Variants in ARV1 observed in about 807,000 individuals in gnomAD.
The protein encoded by ARV1 is ARV1 fatty acid homeostasis modulator.
A neutral mutation model predicts 31.1 loss-of-function variants in ARV1; 26 were observed. That is an observed-to-expected ratio of 0.84 (90% CI 0.61 to 1.16). ARV1 has a LOEUF of 1.16. Ranked by LOEUF, ARV1 falls within the 50% of genes most tolerant of loss-of-function variation. The probability of loss-of-function intolerance (pLI) is 0.00; values close to 1 mark genes in which losing one functional copy is unlikely to be tolerated. For synonymous variants in ARV1, 117 were observed against 123.2 expected (o/e 0.95, Z 0.34); for missense variants, 281 against 324.9 (o/e 0.86, Z 1.04).
At chr1:230,993,273 T>G (rs1438167926) in intron 3 of ARV1, among the ~76,000 whole-genome samples, 1 of 151,962 alleles carries the variant, frequency 6.6e-6, no homozygotes, top group Non-Finnish European at 1.5e-5. Flanking sequence ...AAAAAAAAAT[T>G]TATGTAAAGG....
Position 230,997,267 on chromosome 1 carries a change from G to A in ARV1, c.*4G>A. 1.2e-6 allele frequency: 2 copies of A among 1,613,416 alleles called. No individual in the cohort carries two copies. The highest frequency in any genetic ancestry group is 2.2e-5 in the South Asian group (2 of 91,004). The stretch of plus-strand genomic sequence containing the variant: ...CTTTAAATCTCAGGACTTCTGAAGA[G>A]GTACTGAAAGCATGTAGTGTTCATG... On this transcript the variant is annotated splice_region_variant and 3_prime_UTR_variant, in exon 5 of 6. Coordinates refer to ENST00000310256, the MANE Select transcript of ARV1 (RefSeq NM_022786.3).
At chr1:230,985,325 GT>G (rs1679035454) in intron 1 of ARV1, among the ~76,000 whole-genome samples, 1 of 152,166 alleles carries the variant, frequency 6.6e-6, no homozygotes, top group South Asian at 2.1e-4. Context: ...GCCGTTGGAT[GT>G]TACATAGTCT....
At chr1:230,988,464 T>G in intron 2 of ARV1, 25 bp downstream of exon 2, 1 of 1,465,432 alleles carries the variant, frequency 6.8e-7, no homozygotes, top group East Asian at 2.4e-5. Flanking sequence ...TTTCATTTTT[T>G]AATTTTATTT....
chr1:231,000,081 G>A (rs1394882977), intron 5 of ARV1, 57 bp from the exon 6 acceptor site: 1 of 152,128 alleles, frequency 6.6e-6, no homozygotes, highest in Non-Finnish European at 1.5e-5. Context: ...CCTAGTGTCT[G>A]TCAGTTTGAT....
At chr1:230,984,644 G>A (rs929201529) in intron 1 of ARV1, among the ~76,000 whole-genome samples, 3 of 152,072 alleles carry the variant, frequency 2.0e-5, no homozygotes, top group Non-Finnish European at 4.4e-5. Flanking sequence ...TTTATATCTA[G>A]GTTTAGGAAG....
chr1:230,979,340 G>T (rs1031259163), intron 1 of ARV1, 61 bp downstream of exon 1: 2 of 1,578,602 alleles, frequency 1.3e-6, no homozygotes, highest in South Asian at 2.2e-5. Context: ...TTTGGGGACC[G>T]CGAGGAGCAG....
Position 230,979,118 on chromosome 1 carries a change from G to T in ARV1, c.13G>T (p.Gly5Trp), listed in dbSNP as rs372059908. The T allele has an allele frequency of 3.7e-5, 59 of 1,597,408 alleles. No homozygotes were observed. The East Asian group carries it at 4.3e-4, about 12-fold the overall frequency. The change falls in exon 1 of 6, where the codon GGG (glycine) becomes TGG (tryptophan). Residue 5 changes from glycine (G) to tryptophan (W), a missense_variant. By Grantham distance (184) the Gly-to-Trp change is radical. Transcript: ENST00000310256. MGNG[G>W]RSGLQQGKGN... ...CAGTTGAGTGGAAATGGGCAACGGC[G>T]GGCGGAGCGGCCTGCAGCAGGGGAA...
intron 3 of ARV1, among the ~76,000 whole-genome samples, chr1:230,994,121 C>T (rs1167483149): frequency 2.0e-5 from 3 of 152,182 alleles, no homozygotes; most frequent in Admixed American, 6.5e-5. Flanking sequence ...GTTTTCCACA[C>T]TGGAGTATTC....
chr1:230,996,647 C>T (rs1679378081), intron 4 of ARV1, among the ~76,000 whole-genome samples: 1 of 151,926 alleles, frequency 6.6e-6, no homozygotes, highest in African/African-American at 2.4e-5. Context: ...ATGTTGCCAG[C>T]CTGGTCTTGA....
chr1:230,998,338 G>A (rs1019489764), intron 5 of ARV1, among the ~76,000 whole-genome samples: 5 of 152,116 alleles, frequency 3.3e-5, no homozygotes, highest in Admixed American at 6.5e-5. Flanking sequence ...TGCAAGTAGC[G>A]GCTGTAAAGC....
rs1033193284 is a variant in ARV1 at position 230,995,822 on chromosome 1, A to G, written c.511A>G (p.Lys171Glu). Reference protein sequence around the residue: ...FLWVERPMTAKKKPNFILLLK... With the variant: ...FLWVERPMTAEKKPNFILLLK... ...GTGGGTAGAACGGCCCATGACGGCA[A>G]AAAAAAAGCCCAACTTCATTTTGCT... The change falls in exon 4 of 6, where the codon AAA becomes GAA. Residue 171 changes from lysine to glutamate, a missense_variant. Lys to Glu is a moderately conservative substitution (Grantham distance 56). Transcript: ENST00000310256. 2.5e-6 allele frequency: 4 copies of G among 1,613,418 alleles called. No individual in the cohort carries two copies. Among genetic ancestry groups the G allele is most frequent in the Non-Finnish European group, 2.5e-6 (3 of 1,179,696 alleles).
chr1:230,996,416 A>G (rs1431809166), intron 4 of ARV1, among the ~76,000 whole-genome samples: 1 of 151,946 alleles, frequency 6.6e-6, no homozygotes, highest in Non-Finnish European at 1.5e-5. Flanking sequence ...TTTTTCCCAT[A>G]TATTTTACAT....
intron 1 of ARV1, among the ~76,000 whole-genome samples, chr1:230,986,666 CTATTTTTTTTTTTTTTTTTTTTTTTTTT>C (rs1679082354): frequency 1.3e-5 from 1 of 79,690 alleles, no homozygotes; most frequent in Non-Finnish European, 2.5e-5. Flanking sequence ...AATACTTTTC[CTATTTTTTTTTTTTTTTTTTTTTTTTTT>C]TTTTTTTTTT....
chr1:230,987,095 A>G (rs1679103109), intron 1 of ARV1, among the ~76,000 whole-genome samples: 2 of 152,036 alleles, frequency 1.3e-5, no homozygotes, highest in Non-Finnish European at 2.9e-5. Flanking sequence ...CTTTGGGGCT[A>G]TTATTAAGTC....
chr1:230,987,407 A>G (rs1321338104), intron 1 of ARV1, among the ~76,000 whole-genome samples: 1 of 152,226 alleles, frequency 6.6e-6, no homozygotes, highest in Non-Finnish European at 1.5e-5. Context: ...GGTAGCATTG[A>G]TGCATTTTTG....
At chr1:230,980,620 C>T (rs1009250979) in intron 1 of ARV1, among the ~76,000 whole-genome samples, 1 of 152,152 alleles carries the variant, frequency 6.6e-6, no homozygotes, top group Non-Finnish European at 1.5e-5. Flanking sequence ...AGGCATGAGC[C>T]ACTGCGAAAA....
rs140072574 is a variant in ARV1, at chr1:230,991,813, G to A, written c.448+1550G>A. ...TGCTTAGCTAATTTTTGTATTTTTA[G>A]TAGAGACGGCTTCACCATGTTGGTC... On this transcript the variant is annotated intron_variant, in intron 3 of 5. Coordinates refer to ENST00000310256, the MANE Select transcript of ARV1 (RefSeq NM_022786.3). 6.6e-3 allele frequency among the ~76,000 whole-genome samples: 1,000 copies of A among 151,946 alleles called. 9 individuals are homozygous for A. Among genetic ancestry groups the A allele is most frequent in the African/African-American group, 0.023 (951 of 41,446 alleles).
chr1:230,979,287 G>A lies in ARV1; in HGVS notation c.174+8G>A. On this transcript the variant is annotated splice_region_variant and intron_variant, in intron 1 of 5. Coordinates refer to ENST00000310256, the MANE Select transcript of ARV1 (RefSeq NM_022786.3). ...CTGAAGATAACCATCTGTGTGAGTTGTCAGGTGTGGGGTGCCCTTGAGAAG... is the reference window on the plus strand; with the variant it reads ...CTGAAGATAACCATCTGTGTGAGTTATCAGGTGTGGGGTGCCCTTGAGAAG... 6.2e-7 allele frequency: 1 copy of A among 1,613,570 alleles called. No individual in the cohort carries two copies. Among genetic ancestry groups the A allele is most frequent in the Non-Finnish European group, 8.5e-7 (1 of 1,179,774 alleles).
At chr1:230,985,106 A>C (rs1188814320) in intron 1 of ARV1, among the ~76,000 whole-genome samples, 2 of 152,242 alleles carry the variant, frequency 1.3e-5, no homozygotes, top group South Asian at 4.1e-4. Context: ...CAAGCAGGAC[A>C]AAATTCAAAG....
Sources: allele counts gnomAD v4.1 joint callset (sites outside exome capture counted in the v4.1 genomes callset), GRCh38; gene constraint gnomAD v4.1.1; transcripts MANE v1.5; gene names NCBI Gene and HGNC (gene_info 2026-07-23, HGNC 2026-07-21).